The following MMADHC variants were observed in gnomAD, a reference collection of about 807,000 sequenced individuals.
MMADHC encodes metabolism of cobalamin associated D, also known as cobalamin trafficking protein CblD.
MMADHC carries 23 observed loss-of-function variants against 36.3 expected under a neutral mutation model. The ratio of observed to expected loss-of-function variants is 0.63; its 90% confidence interval spans 0.46 to 0.90. The LOEUF (loss-of-function observed/expected upper bound fraction) is 0.90, where lower values mean the gene tolerates loss of function less well. MMADHC is among the 40% of genes least tolerant of loss of function. The pLI is 0.00. For missense variants in MMADHC, 330 were observed against 348.0 expected (o/e 0.95, Z 0.41); for synonymous variants, 97 against 116.1 (o/e 0.84, Z 1.06).
chr2:149,575,425 G>A (rs1682700241), intron 6 of MMADHC, among the ~76,000 whole-genome samples: 1 of 151,842 alleles, frequency 6.6e-6, no homozygotes, highest in African/African-American at 2.4e-5. Context: ...GGGAGGCTGA[G>A]GGGAGAAGGA....
chr2:149,583,896 T>A (rs544171475), intron 2 of MMADHC, among the ~76,000 whole-genome samples: 1 of 152,316 alleles, frequency 6.6e-6, no homozygotes, highest in East Asian at 1.9e-4. Context: ...GCCATAAGAA[T>A]TCTTCTGCTA....
In MMADHC at chr2:149,579,422, A is replaced by G; in HGVS notation, c.372+9T>C. ...CAGGAAAGCACAATAAATGTTACCAACAATTTACCTGAAATTCATTCACAT... is the reference window on the plus strand; with the variant it reads ...CAGGAAAGCACAATAAATGTTACCAGCAATTTACCTGAAATTCATTCACAT... On this transcript the variant is annotated intron_variant, in intron 4 of 7. Coordinates refer to ENST00000303319, the MANE Select transcript of MMADHC (RefSeq NM_015702.3). 4.4e-6 allele frequency: 7 copies of G among 1,604,940 alleles called. No individual in the cohort carries two copies. Among genetic ancestry groups the G allele is most frequent in the Non-Finnish European group, 6.0e-6 (7 of 1,173,512 alleles).
At position 149,576,475 on chromosome 2, in the gene MMADHC, T is replaced by G; in HGVS notation, c.440A>C (p.Glu147Ala). ...TTCTGGACATGTCTGTATTGCACAC[T>G]CTACTCTGGCACTTTCAAAGTAAGT... Reference protein sequence around the residue: ...AETYFESARVECAIQTCPELL... With the variant: ...AETYFESARVACAIQTCPELL... Residue 147 changes from glutamate (E) to alanine (A), a missense_variant, in exon 5 of 8, where the codon GAG becomes GCG. By Grantham distance (107) the Glu-to-Ala change is moderately radical. Transcript: ENST00000303319. The G allele has an allele frequency of 6.2e-7, 1 of 1,613,616 alleles. No homozygotes were observed. Among genetic ancestry groups the G allele is most frequent in the South Asian group, 1.1e-5 (1 of 91,076 alleles).
chr2:149,583,294 G>A (rs551199261), intron 2 of MMADHC, among the ~76,000 whole-genome samples: 1 of 152,246 alleles, frequency 6.6e-6, no homozygotes, highest in East Asian at 1.9e-4. Context: ...TTTGAATACA[G>A]TAAAAATTTG....
chr2:149,578,659 CAAG>C (rs1452300646), intron 4 of MMADHC, among the ~76,000 whole-genome samples: 1 of 151,862 alleles, frequency 6.6e-6, no homozygotes, highest in Non-Finnish European at 1.5e-5. Flanking sequence ...AACAAGGAGC[CAAG>C]AAGGCTGAGA....
rs1308433612 is a variant in MMADHC at position 149,569,929 on chromosome 2, C to A, written c.*45G>T. 4.5e-6 allele frequency: 7 copies of A among 1,562,324 alleles called. No individual in the cohort carries two copies. The South Asian group carries it at 7.8e-5, about 18-fold the overall frequency. On this transcript the variant is annotated 3_prime_UTR_variant, in exon 8 of 8. Transcript: ENST00000303319. ...GTCTGACAGTGTTTATAGATCAACC[C>A]AAATATTACATACAAATAGTACAGC...
intron 6 of MMADHC, among the ~76,000 whole-genome samples, chr2:149,574,289 A>C (rs1682683519): frequency 6.6e-6 from 1 of 152,218 alleles, no homozygotes; most frequent in South Asian, 2.1e-4. Flanking sequence ...TAAATAGAAA[A>C]TATCCTATAA....
chr2:149,575,647 C>T, intron 6 of MMADHC, 64 bp downstream of exon 6: 1 of 1,337,430 alleles, frequency 7.5e-7, no homozygotes, highest in East Asian at 2.3e-5. Context: ...CATTTTAAGA[C>T]ATTGGTTCAC....
chr2:149,572,021 A>T (rs984614497), intron 6 of MMADHC, among the ~76,000 whole-genome samples: 1 of 151,900 alleles, frequency 6.6e-6, no homozygotes, highest in African/African-American at 2.4e-5. Flanking sequence ...TTCATTATAT[A>T]CTCTTCTCTG....
rs1682802531 is a variant in MMADHC at position 149,582,122 on chromosome 2, C to T, written c.154+5G>A. 1 of 1,613,580 alleles carries T rather than the reference C, an allele frequency of 6.2e-7. No individual in the cohort carries two copies. Among genetic ancestry groups the T allele is most frequent in the African/African-American group, 1.3e-5 (1 of 74,894 alleles). Reference sequence around the variant, plus strand: ...ATAAGTAAAGCAGTAACAACTTTCACTTACATATATCTGGAGGTGCAGCAG... The same window carrying T: ...ATAAGTAAAGCAGTAACAACTTTCATTTACATATATCTGGAGGTGCAGCAG... On this transcript the variant is annotated splice_donor_5th_base_variant and intron_variant, in intron 3 of 7. Coordinates refer to ENST00000303319, the MANE Select transcript of MMADHC (RefSeq NM_015702.3).
chr2:149,575,636 T>C (rs571175864), intron 6 of MMADHC, 75 bp downstream of exon 6: 2 of 1,255,822 alleles, frequency 1.6e-6, no homozygotes, highest in South Asian at 1.5e-5. Flanking sequence ...ATGACAGTCA[T>C]CATTTTAAGA....
intron 7 of MMADHC, 108 bp downstream of exon 7, chr2:149,570,977 T>C (rs1682629971): frequency 2.2e-6 from 2 of 920,896 alleles, no homozygotes; most frequent in Non-Finnish European, 3.4e-6. Flanking sequence ...TGGGTAAAAT[T>C]GTGAGATTTT....
chr2:149,585,775 A>G (rs1163194491), intron 2 of MMADHC, among the ~76,000 whole-genome samples: 2 of 152,220 alleles, frequency 1.3e-5, no homozygotes, highest in African/African-American at 2.4e-5. Context: ...TCCATCCACA[A>G]TTTACAATCC....
At chr2:149,572,389 G>A in intron 6 of MMADHC, 1 of 270,144 alleles carries the variant, frequency 3.7e-6, no homozygotes, top group South Asian at 3.1e-5. Flanking sequence ...AGAGTTAACA[G>A]GTACTGAACT....
intron 3 of MMADHC, 77 bp downstream of exon 3, chr2:149,582,050 G>C (rs1573879979): frequency 6.6e-7 from 1 of 1,525,140 alleles, no homozygotes; most frequent in Non-Finnish European, 9.1e-7. Flanking sequence ...TAAGCCTTAA[G>C]AAGAAATATT....
intron 3 of MMADHC, among the ~76,000 whole-genome samples, chr2:149,580,058 G>A (rs1005520155): frequency 2.0e-5 from 3 of 152,046 alleles, no homozygotes; most frequent in South Asian, 2.1e-4. Context: ...TTTTTGAGAC[G>A]GGTCTCTTGC....
rs750271404 is a variant in MMADHC, at chr2:149,576,547, G to T, written c.373-5C>A. ...TTCAACAGGTGCATCATTACCCTAAGGGGAACAAGGATATAAGTCAACAAA... is the reference window on the plus strand; with the variant it reads ...TTCAACAGGTGCATCATTACCCTAATGGGAACAAGGATATAAGTCAACAAA... On this transcript the variant is annotated splice_region_variant and splice_polypyrimidine_tract_variant and intron_variant, in intron 4 of 7. Coordinates refer to ENST00000303319, the MANE Select transcript of MMADHC (RefSeq NM_015702.3). 23 of 1,591,622 alleles carry T rather than the reference G, an allele frequency of 1.4e-5. No individual in the cohort carries two copies. In the East Asian group the frequency reaches 4.7e-4, roughly 33 times the overall value.
intron 2 of MMADHC, 92 bp downstream of exon 2, chr2:149,586,997 C>T (rs1324777977): frequency 3.2e-6 from 4 of 1,261,718 alleles, no homozygotes; most frequent in Non-Finnish European, 4.7e-6. Context: ...AACACTATAC[C>T]ACCCAATGCC....
intron 4 of MMADHC, among the ~76,000 whole-genome samples, chr2:149,576,795 T>G (rs1682725216): frequency 6.6e-6 from 1 of 152,196 alleles, no homozygotes. Context: ...ATTCTAAAAC[T>G]TGGTATAAAC....
Sources: allele counts gnomAD v4.1 joint callset (sites outside exome capture counted in the v4.1 genomes callset), GRCh38; gene constraint gnomAD v4.1.1; transcripts MANE v1.5; gene names NCBI Gene and HGNC (gene_info 2026-07-23, HGNC 2026-07-21).